Variants in CAST observed in about 807,000 individuals in gnomAD.
CAST encodes the protein MIR583 host.
A neutral mutation model predicts 119.6 loss-of-function variants in CAST; 76 were observed. The observed-to-expected ratio is 0.64, with a 90% confidence interval of 0.53 to 0.77. CAST has a LOEUF of 0.77. Among genes scored for constraint, CAST ranks in the 30% least tolerant of loss-of-function variants. CAST has a pLI of 0.00. For missense variants in CAST, 953 were observed against 946.5 expected, an observed-to-expected ratio of 1.01 and a Z score of -0.09; for synonymous variants, 319 against 331.6, an observed-to-expected ratio of 0.96 and a Z score of 0.41.
chr5:96,369,340 C>A, the CAST span, among the ~76,000 whole-genome samples: 1 of 151,862 alleles, frequency 6.6e-6, no homozygotes, highest in African/African-American at 2.4e-5. Flanking sequence ...TTGAAGTTTT[C>A]TTCTCCTTGT....
At chr5:96,347,228 T>C in the CAST span, among the ~76,000 whole-genome samples, 1 of 152,184 alleles carries the variant, frequency 6.6e-6, no homozygotes, top group African/African-American at 2.4e-5. Context: ...GAGCCTCTTC[T>C]ACAGTGAATA....
At chr5:96,510,783 C>T in the CAST span, among the ~76,000 whole-genome samples, 8 of 151,894 alleles carry the variant, frequency 5.3e-5, no homozygotes, top group African/African-American at 9.7e-5. Flanking sequence ...GACGTTTGTA[C>T]GAATAAAATG....
chr5:96,119,005 G>C, the CAST span, among the ~76,000 whole-genome samples: 8 of 151,984 alleles, frequency 5.3e-5, no homozygotes, highest in African/African-American at 1.9e-4. Flanking sequence ...TATCTTCATT[G>C]GAAAATGTCG....
the CAST span, among the ~76,000 whole-genome samples, chr5:96,067,593 G>C: frequency 6.6e-6 from 1 of 152,048 alleles, no homozygotes; most frequent in Non-Finnish European, 1.5e-5. Flanking sequence ...GTTTAAAATG[G>C]GCATACCTGT....
chr5:96,720,338 G>A (rs1370148041), intron 3 of CAST, among the ~76,000 whole-genome samples: 5 of 152,130 alleles, frequency 3.3e-5, no homozygotes, highest in Non-Finnish European at 7.4e-5. Context: ...TCAATGATAC[G>A]AAATTCAAAC....
chr5:96,590,970 G>C lies in CAST; in HGVS notation c.60+61090G>C, dbSNP rs545719320. Among the ~76,000 whole-genome samples the C allele has an allele frequency of 1.6e-4, 24 of 152,326 alleles. No homozygotes were observed. In the South Asian group the frequency reaches 3.7e-3, roughly 24 times the overall value. The stretch of plus-strand genomic sequence containing the variant: ...AGCAATGGCAACAGAAGGATTGCTT[G>C]ACGGTGTTTCATGAATATTGCACAA... On this transcript the variant is annotated intron_variant, in intron 1 of 11. Transcript: ENST00000505143.
chr5:96,382,818 T>C, the CAST span, among the ~76,000 whole-genome samples: 1 of 152,156 alleles, frequency 6.6e-6, no homozygotes, highest in South Asian at 2.1e-4. Flanking sequence ...CCCAGGTAGC[T>C]AGTCACAAAA....
the CAST span, among the ~76,000 whole-genome samples, chr5:96,308,419 G>T: frequency 6.6e-6 from 1 of 151,668 alleles, no homozygotes; most frequent in African/African-American, 2.4e-5. Context: ...TAGCTCTGGG[G>T]AATTGTTATT....
At chr5:96,166,196 C>T in the CAST span, among the ~76,000 whole-genome samples, 1 of 152,270 alleles carries the variant, frequency 6.6e-6, no homozygotes, top group Middle Eastern at 3.4e-3. Flanking sequence ...CTCAAGAGCA[C>T]AGACCACAGT....
At chr5:96,023,529 G>A in the CAST span, among the ~76,000 whole-genome samples, 4 of 152,026 alleles carry the variant, frequency 2.6e-5, no homozygotes, top group Admixed American at 6.5e-5. Flanking sequence ...TGAGGTTTCC[G>A]GATCTCTCTT....
the CAST span, among the ~76,000 whole-genome samples, chr5:96,083,098 A>G: frequency 6.6e-6 from 1 of 152,218 alleles, no homozygotes; most frequent in Non-Finnish European, 1.5e-5. Flanking sequence ...TGGGAGAAGA[A>G]ATTTTTGGAG....
chr5:96,534,688 G>GTGGAGGGA, intron 1 of CAST, among the ~76,000 whole-genome samples: 1 of 36,958 alleles, frequency 2.7e-5, no homozygotes, highest in South Asian at 1.3e-3. Context: ...GAGAGAGAGA[G>GTGGAGGGA]AGGAAGGAAG....
At chr5:96,600,459 T>C (rs1266618375) in intron 1 of CAST, among the ~76,000 whole-genome samples, 2 of 152,144 alleles carry the variant, frequency 1.3e-5, no homozygotes, top group Non-Finnish European at 2.9e-5. Flanking sequence ...TTTGAATTCA[T>C]AGACAAAAAA....
the CAST span, among the ~76,000 whole-genome samples, chr5:96,167,182 A>G: frequency 6.6e-6 from 1 of 152,234 alleles, no homozygotes; most frequent in Non-Finnish European, 1.5e-5. Context: ...AAGGAGCTTC[A>G]GCATAGCCCT....
chr5:96,238,680 G>A, the CAST span, among the ~76,000 whole-genome samples: 16 of 151,724 alleles, frequency 1.1e-4, no homozygotes, highest in South Asian at 6.2e-4. Context: ...GATTACAGGC[G>A]TGAGCCACCG....
the CAST span, among the ~76,000 whole-genome samples, chr5:96,141,928 T>C: frequency 6.6e-6 from 1 of 152,356 alleles, no homozygotes; most frequent in South Asian, 2.1e-4. Context: ...AAGTTTTTTC[T>C]TTTTGAGTGT....
chr5:96,076,187 G>A, the CAST span, among the ~76,000 whole-genome samples: 1 of 152,128 alleles, frequency 6.6e-6, no homozygotes, highest in East Asian at 1.9e-4. Flanking sequence ...CTGAGCCTGA[G>A]AATAAAAGTG....
At chr5:96,343,394 C>A in the CAST span, among the ~76,000 whole-genome samples, 1 of 152,112 alleles carries the variant, frequency 6.6e-6, no homozygotes, top group African/African-American at 2.4e-5. Context: ...AAGTTCTGTT[C>A]TATTTTCTGA....
the CAST span, among the ~76,000 whole-genome samples, chr5:95,963,725 C>CTTTTT: frequency 6.9e-5 from 9 of 129,972 alleles, no homozygotes; most frequent in East Asian, 2.2e-4. Flanking sequence ...TTCTCTCTCT[C>CTTTTT]TTTTTTTTTT....
Sources: allele counts gnomAD v4.1 joint callset (sites outside exome capture counted in the v4.1 genomes callset), GRCh38; gene constraint gnomAD v4.1.1; transcripts MANE v1.5; gene names NCBI Gene and HGNC (gene_info 2026-07-23, HGNC 2026-07-21).